MEP1B: variants seen among roughly 807,000 people sequenced by gnomAD.
The protein encoded by MEP1B is N-benzoyl-L-tyrosyl-P-amino-benzoic acid hydrolase subunit beta.
A neutral mutation model predicts 84.6 loss-of-function variants in MEP1B; 80 were observed. That is an observed-to-expected ratio of 0.95 (90% CI 0.79 to 1.14). The LOEUF (loss-of-function observed/expected upper bound fraction) is 1.14, where lower values mean the gene tolerates loss of function less well. Among genes scored for constraint, MEP1B ranks in the 50% most tolerant of loss-of-function variants. MEP1B has a pLI of 0.00. For missense variants in MEP1B, 766 were observed against 855.1 expected, an observed-to-expected ratio of 0.90 and a Z score of 1.30; for synonymous variants, 273 against 288.1, an observed-to-expected ratio of 0.95 and a Z score of 0.53.
In MEP1B at chr18:32,210,651, TCTA is replaced by T. The variant is rs759079063; in HGVS notation, c.1071_1073del (p.Tyr358del). 3.1e-6 allele frequency: 5 copies of T among 1,613,888 alleles called. No homozygotes were observed. The highest frequency in any genetic ancestry group is 4.2e-6 in the Non-Finnish European group (5 of 1,179,886). On this transcript the variant is annotated inframe_deletion, in exon 10 of 15. Coordinates refer to ENST00000269202, the MANE Select transcript of MEP1B (RefSeq NM_005925.3). The stretch of plus-strand genomic sequence containing the variant: ...GGCAGTGAAAGTGATCAACTGAACA[TCTA>T]TATCAGGGAGTATTCTGCAGACAAT...
intron 9 of MEP1B, among the ~76,000 whole-genome samples, chr18:32,210,159 C>A (rs1422549418): frequency 1.3e-5 from 2 of 152,108 alleles, no homozygotes; most frequent in Admixed American, 6.5e-5. Flanking sequence ...GACCTGCAGC[C>A]TTACAGTGGA....
At chr18:32,212,665 G>T (rs967000288) in intron 10 of MEP1B, among the ~76,000 whole-genome samples, 1 of 152,092 alleles carries the variant, frequency 6.6e-6, no homozygotes, top group Admixed American at 6.5e-5. Flanking sequence ...CCAAAAAGTT[G>T]ATTGAAGACT....
chr18:32,200,060 T>C (rs1441900616), intron 5 of MEP1B, among the ~76,000 whole-genome samples: 1 of 152,168 alleles, frequency 6.6e-6, no homozygotes, highest in East Asian at 1.9e-4. Flanking sequence ...CCATGAGCTT[T>C]ATTTATTTTT....
intron 10 of MEP1B, among the ~76,000 whole-genome samples, chr18:32,210,936 C>T (rs897850405): frequency 4.6e-5 from 7 of 152,174 alleles, no homozygotes; most frequent in African/African-American, 1.7e-4. Context: ...GTAGATCAGT[C>T]TCTGGCACTA....
intron 5 of MEP1B, among the ~76,000 whole-genome samples, chr18:32,202,158 C>T (rs2040918878): frequency 6.6e-6 from 1 of 152,204 alleles, no homozygotes; most frequent in South Asian, 2.1e-4. Flanking sequence ...CTCTGCCATA[C>T]TGTCTCCCAC....
intron 2 of MEP1B, among the ~76,000 whole-genome samples, chr18:32,192,092 G>A (rs986666027): frequency 6.6e-6 from 1 of 152,030 alleles, no homozygotes. Context: ...ATAAATGCTT[G>A]CTATTATTGT....
chr18:32,218,585 T>G (rs1443398060), intron 14 of MEP1B, among the ~76,000 whole-genome samples: 2 of 151,522 alleles, frequency 1.3e-5, no homozygotes. Flanking sequence ...ACGCAGGAGG[T>G]TTATTGGGGA....
Position 32,215,194 on chromosome 18 carries a change from C to A in MEP1B, c.1692C>A (p.Thr564=). The A allele has an allele frequency of 6.2e-7, 1 of 1,611,280 alleles. No individual in the cohort carries two copies. Among genetic ancestry groups the A allele is most frequent in the South Asian group, 1.1e-5 (1 of 90,488 alleles). ...GGGYGTSAFI[T]HERLKSRDFI... is the part of the protein sequence containing the mutation. ...GCTATGGAACCAGTGCCTTTATAAC[C>A]CACGAAAGGCTGAAAAGCAGAGATT... Residue 564 remains threonine (T), a synonymous_variant, in exon 12 of 15, where the codon ACC becomes ACA. Transcript: ENST00000269202.
At chr18:32,205,398 C>G (rs945688206) in intron 7 of MEP1B, among the ~76,000 whole-genome samples, 1 of 152,208 alleles carries the variant, frequency 6.6e-6, no homozygotes, top group African/African-American at 2.4e-5. Context: ...AAGGGCATTG[C>G]TATTATGTCT....
intron 11 of MEP1B, among the ~76,000 whole-genome samples, chr18:32,213,891 T>C (rs983251838): frequency 1.3e-5 from 2 of 152,204 alleles, no homozygotes; most frequent in Non-Finnish European, 2.9e-5. Flanking sequence ...TCATTAGTTA[T>C]GTAATCTTGA....
intron 7 of MEP1B, among the ~76,000 whole-genome samples, chr18:32,205,173 T>C (rs2040951810): frequency 6.6e-6 from 1 of 152,244 alleles, no homozygotes; most frequent in Non-Finnish European, 1.5e-5. Flanking sequence ...CATGGTCTTC[T>C]TTTTTCTTTT....
intron 1 of MEP1B, among the ~76,000 whole-genome samples, chr18:32,190,918 G>A (rs558074503): frequency 1.1e-4 from 17 of 152,118 alleles, no homozygotes; most frequent in South Asian, 4.2e-4. Context: ...TTTGTTAAAC[G>A]CTCCAAATGA....
In MEP1B at chr18:32,213,553, A is replaced by G. The variant is rs908903349; in HGVS notation, c.1573A>G (p.Thr525Ala). ...QRSITTDPFM[T>A]TDNGNYFWDR... Reference sequence around the variant, plus strand: ...GAGTATAACTACAGACCCATTTATGACCACCGGTTCGTAACTCATTTTCTT... The same window carrying G: ...GAGTATAACTACAGACCCATTTATGGCCACCGGTTCGTAACTCATTTTCTT... Residue 525 changes from threonine (T) to alanine (A), a missense_variant, in exon 11 of 15, where the codon ACC becomes GCC. Coordinates refer to ENST00000269202, the MANE Select transcript of MEP1B (RefSeq NM_005925.3). 14 of 1,607,158 alleles carry G rather than the reference A, an allele frequency of 8.7e-6. No homozygotes were observed. Among genetic ancestry groups the G allele is most frequent in the African/African-American group, 6.7e-5 (5 of 74,806 alleles).
chr18:32,192,929 G>C (rs2040817048), intron 4 of MEP1B, 112 bp downstream of exon 4: 2 of 768,754 alleles, frequency 2.6e-6, no homozygotes, highest in Non-Finnish European at 4.4e-6. Flanking sequence ...CTATCTCTAA[G>C]GGTGCAGAAT....
Position 32,217,064 on chromosome 18 carries a change from C to T in MEP1B, c.1833C>T (p.Thr611=), listed in dbSNP as rs1339149995. The part of the protein sequence containing the change: ...APSVQDLCSK[T]TCKNDGVCTV... ...GTGTTCAAGACCTCTGCTCAAAAAC[C>T]ACCTGTAAAAATGACGGTGTCTGCA... Residue 611 remains threonine (T), a synonymous_variant, in exon 13 of 15, where the codon ACC becomes ACT. Coordinates refer to ENST00000269202, the MANE Select transcript of MEP1B (RefSeq NM_005925.3). The T allele has an allele frequency of 1.9e-6, 3 of 1,613,918 alleles. No individual in the cohort carries two copies. In the East Asian group the frequency reaches 6.7e-5, roughly 36 times the overall value.
rs754474750 is a variant in MEP1B at position 32,190,056 on chromosome 18, A to G, written c.-15A>G. 6.2e-7 allele frequency: 1 copy of G among 1,610,340 alleles called. No homozygotes were observed. The highest frequency in any genetic ancestry group is 2.2e-5 in the East Asian group (1 of 44,838). On this transcript the variant is annotated 5_prime_UTR_variant, in exon 1 of 15. Transcript: ENST00000269202. ...TGAATGTCATAGTTAGCTACTTTCA[A>G]CTGGAAGCTACAACATGGATTTATG...
intron 5 of MEP1B, among the ~76,000 whole-genome samples, chr18:32,198,222 A>T (rs758674977): frequency 2.6e-5 from 4 of 152,198 alleles, no homozygotes; most frequent in Non-Finnish European, 5.9e-5. Context: ...TACACCGTAC[A>T]ACTGACATGA....
intron 4 of MEP1B, 137 bp downstream of exon 4, chr18:32,192,954 T>C (rs947186595): frequency 4.6e-6 from 3 of 645,234 alleles, no homozygotes; most frequent in Non-Finnish European, 8.2e-6. Flanking sequence ...GTGACACATT[T>C]ATTCAATGAA....
intron 9 of MEP1B, among the ~76,000 whole-genome samples, chr18:32,209,605 G>A (rs1365870734): frequency 1.3e-5 from 2 of 152,096 alleles, no homozygotes; most frequent in Non-Finnish European, 1.5e-5. Flanking sequence ...CAGATAAGTG[G>A]GAGGTGCCTC....
Sources: gnomAD v4.1 joint callset for allele counts (sites outside exome capture counted in the v4.1 genomes callset) on GRCh38, gnomAD v4.1.1 for gene constraint, MANE v1.5 for transcripts, NCBI Gene and HGNC (gene_info 2026-07-23, HGNC 2026-07-21) for gene names.